Variants in CSMD3 observed in about 807,000 individuals in gnomAD.
CSMD3 encodes the protein CUB and sushi domain-containing protein 3.
A neutral mutation model predicts 435.2 loss-of-function variants in CSMD3; 177 were observed. The observed-to-expected ratio is 0.41, with a 90% CI of 0.36 to 0.46. CSMD3 has a LOEUF of 0.46. Ranked by LOEUF, CSMD3 falls within the 20% of genes least tolerant of loss-of-function variation. The probability of loss-of-function intolerance (pLI) is 0.34; values close to 1 mark genes in which losing one functional copy is unlikely to be tolerated. For missense variants in CSMD3, 4,265 were observed against 4,504.6 expected, an observed-to-expected ratio of 0.95 and a Z score of 1.52; for synonymous variants, 1,656 against 1,520.5, an observed-to-expected ratio of 1.09 and a Z score of -2.07.
At chr8:113,140,827 A>T (rs1179182708) in intron 4 of CSMD3, among the ~76,000 whole-genome samples, 1 of 151,144 alleles carries the variant, frequency 6.6e-6, no homozygotes, top group Admixed American at 6.6e-5. Context: ...TCATTGATTA[A>T]ATTCACACCT....
chr8:112,502,192 ACT>A, intron 30 of CSMD3, among the ~76,000 whole-genome samples: 2 of 152,192 alleles, frequency 1.3e-5, no homozygotes, highest in East Asian at 3.9e-4. Context: ...GGTCAAGCTC[ACT>A]CTCTCTAAAA....
Position 113,422,750 on chromosome 8 carries a change from C to T in CSMD3, c.178+13927G>A, listed in dbSNP as rs532934436. Among the ~76,000 whole-genome samples, 8 of 151,756 alleles carry T rather than the reference C, an allele frequency of 5.3e-5. No homozygotes were observed. In the East Asian group the frequency reaches 9.7e-4, roughly 18 times the overall value. Reference sequence around the variant, plus strand: ...TGACCCACAGAGTGTAAGAGAGAGACGAAAAAAAATGTTTTTTGGCTTCTT... The same window carrying T: ...TGACCCACAGAGTGTAAGAGAGAGATGAAAAAAAATGTTTTTTGGCTTCTT... On this transcript the variant is annotated intron_variant, in intron 1 of 70. Coordinates refer to ENST00000297405, the MANE Select transcript of CSMD3 (RefSeq NM_198123.2).
chr8:112,902,020 A>T (rs1044604207), intron 10 of CSMD3, among the ~76,000 whole-genome samples: 8 of 151,238 alleles, frequency 5.3e-5, no homozygotes, highest in African/African-American at 1.7e-4. Context: ...TGCCCATATA[A>T]TGTCAAAGAA....
At chr8:113,355,722 T>TATATATATATA (rs1563737826) in intron 1 of CSMD3, among the ~76,000 whole-genome samples, 1 of 77,796 alleles carries the variant, frequency 1.3e-5, no homozygotes, top group African/African-American at 4.6e-5. Flanking sequence ...AGTTTTATTT[T>TATATATATATA]TATATATATA....
chr8:113,300,087 G>A (rs1250716224), intron 2 of CSMD3, among the ~76,000 whole-genome samples: 1 of 151,282 alleles, frequency 6.6e-6, no homozygotes, highest in Non-Finnish European at 1.5e-5. Flanking sequence ...CCAGGAGGCG[G>A]AGGCTGCAGT....
Position 112,318,923 on chromosome 8 carries a change from G to A in CSMD3, c.7274C>T (p.Pro2425Leu). Residue 2425 changes from proline to leucine, a missense_variant, in exon 47 of 71, where the codon CCA becomes CTA. This residue lies in a region of CSMD3 where 3,255 missense variants were observed against 3,380.2 expected (regional missense o/e 0.96). Coordinates refer to ENST00000297405, the MANE Select transcript of CSMD3 (RefSeq NM_198123.2). ...TGCATTACCAACTAAAGTAAATCCT[G>A]GAAGACACTGATACCTAATAATATC... Reference protein sequence around the residue: ...IGDIIRYQCLPGFTLVGNAIL... With the variant: ...IGDIIRYQCLLGFTLVGNAIL... 1 of 1,610,830 alleles carries A rather than the reference G, an allele frequency of 6.2e-7. No individual in the cohort carries two copies. Among genetic ancestry groups the A allele is most frequent in the Non-Finnish European group, 8.5e-7 (1 of 1,178,362 alleles).
intron 32 of CSMD3, among the ~76,000 whole-genome samples, chr8:112,468,453 G>T (rs572170635): frequency 8.0e-4 from 121 of 151,958 alleles, no homozygotes; most frequent in Non-Finnish European, 1.5e-3. Flanking sequence ...TGTTAAAATA[G>T]AAATCTACAC....
intron 6 of CSMD3, 53 bp downstream of exon 6, chr8:113,019,014 A>T (rs2131169592): frequency 3.5e-6 from 4 of 1,143,058 alleles, no homozygotes; most frequent in Non-Finnish European, 5.3e-6. Flanking sequence ...ATAGTTGTGT[A>T]CACCAAAATT....
At chr8:112,279,010 AAAAAACAACAACAACAAC>A (rs1281072658) in intron 59 of CSMD3, among the ~76,000 whole-genome samples, 540 of 133,056 alleles carry the variant, frequency 4.1e-3, no homozygotes, top group African/African-American at 0.013. Context: ...CTCCACCCCC[AAAAAACAACAACAACAAC>A]AACAACAACA....
chr8:112,412,205 T>C (rs998887870), intron 32 of CSMD3, among the ~76,000 whole-genome samples: 14 of 152,102 alleles, frequency 9.2e-5, no homozygotes, highest in Non-Finnish European at 1.6e-4. Context: ...TTTATATTTA[T>C]ATGAGAGTCA....
chr8:112,847,826 C>A (rs192423696), intron 11 of CSMD3, among the ~76,000 whole-genome samples: 1 of 152,172 alleles, frequency 6.6e-6, no homozygotes, highest in East Asian at 1.9e-4. Flanking sequence ...CAGGTGAGTT[C>A]AAGAGTGTAT....
At chr8:113,019,223 C>T (rs1446302048) in intron 5 of CSMD3, 44 bp from the exon 6 acceptor site, 1 of 1,312,226 alleles carries the variant, frequency 7.6e-7, no homozygotes, top group Admixed American at 1.7e-5. Flanking sequence ...AAAAGCTTTT[C>T]AGCAGTAAAC....
In CSMD3 at chr8:113,197,120, G is replaced by A. The variant is rs537878049; in HGVS notation, c.515-23204C>T. Among the ~76,000 whole-genome samples, 8 of 151,288 alleles carry A rather than the reference G, an allele frequency of 5.3e-5. No individual in the cohort carries two copies. In the Admixed American group the frequency reaches 5.3e-4, roughly 10 times the overall value. On this transcript the variant is annotated intron_variant, in intron 3 of 70. Coordinates refer to ENST00000297405, the MANE Select transcript of CSMD3 (RefSeq NM_198123.2). ...AATATCTACCTCATATACAGGCTGA[G>A]CATTACTAATCCAAAAACCTGAAAT...
At chr8:112,437,831 T>C (rs1814541446) in intron 32 of CSMD3, among the ~76,000 whole-genome samples, 1 of 152,148 alleles carries the variant, frequency 6.6e-6, no homozygotes, top group Non-Finnish European at 1.5e-5. Context: ...CTCGTATGGC[T>C]ACATGAAAGC....
intron 3 of CSMD3, among the ~76,000 whole-genome samples, chr8:113,224,674 A>G (rs2093006333): frequency 1.3e-5 from 2 of 151,368 alleles, no homozygotes; most frequent in Admixed American, 1.3e-4. Context: ...GTCCTTAAAA[A>G]TAGAACATTA....
At chr8:112,880,280 C>A (rs2081410853) in intron 10 of CSMD3, among the ~76,000 whole-genome samples, 1 of 151,982 alleles carries the variant, frequency 6.6e-6, no homozygotes, top group African/African-American at 2.4e-5. Context: ...AGTTATTCAA[C>A]ACTAAACATT....
intron 2 of CSMD3, among the ~76,000 whole-genome samples, chr8:113,291,894 T>TTTA (rs2093688945): frequency 6.6e-6 from 1 of 151,834 alleles, no homozygotes; most frequent in Non-Finnish European, 1.5e-5. Context: ...GTAACTTCCT[T>TTTA]GATAGATTTT....
At chr8:112,704,200 C>T (rs555420815) in intron 13 of CSMD3, among the ~76,000 whole-genome samples, 4 of 151,752 alleles carry the variant, frequency 2.6e-5, no homozygotes, top group South Asian at 2.1e-4. Context: ...GACTTGGTTT[C>T]GAACTCCTGA....
chr8:113,346,408 A>G (rs2094151384), intron 1 of CSMD3, among the ~76,000 whole-genome samples: 6 of 152,184 alleles, frequency 3.9e-5, no homozygotes, highest in Admixed American at 3.9e-4. Context: ...TTCAAAAAGC[A>G]ATTAAAATTG....
Sources: gnomAD v4.1 joint callset for allele counts (sites outside exome capture counted in the v4.1 genomes callset) on GRCh38, gnomAD v4.1.1 for gene constraint, gnomAD v4.1.1 regional missense constraint, MANE v1.5 for transcripts, NCBI Gene and HGNC (gene_info 2026-07-23, HGNC 2026-07-21) for gene names.